The following TRAK1 variants were observed in gnomAD, a reference collection of about 807,000 sequenced individuals.
TRAK1 encodes the protein trafficking kinesin-binding protein 1.
In TRAK1, 33 loss-of-function variants were observed where a neutral mutation model predicts 92.1. The observed-to-expected ratio is 0.36, with a 90% CI of 0.27 to 0.48. TRAK1 has a LOEUF of 0.48. Ranked by LOEUF, TRAK1 falls within the 20% of genes least tolerant of loss-of-function variation. The probability of loss-of-function intolerance (pLI) is 0.99; values close to 1 mark genes in which losing one functional copy is unlikely to be tolerated. For synonymous variants in TRAK1, 521 were observed against 517.3 expected (o/e 1.01, Z -0.10); for missense variants, 1,123 against 1,257.9 (o/e 0.89, Z 1.62).
chr3:42,182,550 T>A (rs1704172506), intron 3 of TRAK1, among the ~76,000 whole-genome samples: 1 of 152,172 alleles, frequency 6.6e-6, no homozygotes, highest in Non-Finnish European at 1.5e-5. Flanking sequence ...GTGCCGGGAT[T>A]ACGGGTGAGA....
chr3:42,018,318 ATG>A (rs1701605911), intron 1 of TRAK1, among the ~76,000 whole-genome samples: 1 of 151,960 alleles, frequency 6.6e-6, no homozygotes, highest in Non-Finnish European at 1.5e-5. Context: ...CTTAAGGAAA[ATG>A]TACCTTGTTT....
In TRAK1 at chr3:42,217,466, T is replaced by G. The variant is rs151218071; in HGVS notation, c.1964-2028T>G. On this transcript the variant is annotated intron_variant, in intron 14 of 15. Coordinates refer to ENST00000327628, the MANE Select transcript of TRAK1 (RefSeq NM_001042646.3). ...ATCCCCAAAACCCATTTGTATAAGA[T>G]GGGTTTGCTTCTGCTGATGCAACTA... 161 of 985,412 alleles carry G rather than the reference T, an allele frequency of 1.6e-4. No homozygotes were observed. In the East Asian group the frequency reaches 0.016, roughly 98 times the overall value. The allele number at this position is 985,412 out of a possible 1,614,324, so 61.0% of individuals were successfully genotyped here.
upstream of TRAK1, among the ~76,000 whole-genome samples, chr3:42,086,874 A>T (rs893875756): frequency 6.6e-6 from 1 of 152,188 alleles, no homozygotes; most frequent in African/African-American, 2.4e-5. Flanking sequence ...CAGTAAGCAA[A>T]TGAAGCCATG....
At chr3:42,218,532 T>A (rs1709973936) in intron 14 of TRAK1, 5 of 982,770 alleles carry the variant, frequency 5.1e-6, no homozygotes, top group Non-Finnish European at 6.0e-6. Context: ...TTTATTATTA[T>A]TTTTTTTCCT....
chr3:42,105,073 T>A (rs1376586414), intron 1 of TRAK1, among the ~76,000 whole-genome samples: 2 of 151,172 alleles, frequency 1.3e-5, no homozygotes, highest in African/African-American at 4.9e-5. Context: ...TGCCTCAGCC[T>A]CCCAAGTAGC....
upstream of TRAK1, among the ~76,000 whole-genome samples, chr3:42,090,913 A>G (rs1435933090): frequency 6.6e-6 from 1 of 152,202 alleles, no homozygotes; most frequent in Non-Finnish European, 1.5e-5. Context: ...GATGGAGAAC[A>G]TGCTCGGATT....
chr3:42,044,982 C>T (rs1337529519), intron 1 of TRAK1, among the ~76,000 whole-genome samples: 6 of 151,594 alleles, frequency 4.0e-5, no homozygotes, highest in Admixed American at 3.9e-4. Flanking sequence ...TGTTTTTTTT[C>T]CTAATCAGGA....
chr3:42,118,758 G>A (rs973829943), intron 1 of TRAK1, among the ~76,000 whole-genome samples: 1 of 152,244 alleles, frequency 6.6e-6, no homozygotes, highest in Non-Finnish European at 1.5e-5. Context: ...CCTAGGAAGG[G>A]TTATACCTCT....
chr3:42,153,514 C>T (rs1700192029), intron 2 of TRAK1, among the ~76,000 whole-genome samples: 1 of 152,196 alleles, frequency 6.6e-6, no homozygotes, highest in Admixed American at 6.5e-5. Flanking sequence ...CTCACCTCCC[C>T]CTTTTATAAC....
At chr3:42,063,686 CAA>C (rs57831151) in intron 1 of TRAK1, among the ~76,000 whole-genome samples, 20 of 107,180 alleles carry the variant, frequency 1.9e-4, no homozygotes, top group Middle Eastern at 4.7e-3. Context: ...ACTCTGTCTC[CAA>C]AAAAAAAAAA....
chr3:42,017,103 A>G (rs911355469), intron 1 of TRAK1, among the ~76,000 whole-genome samples: 1 of 152,138 alleles, frequency 6.6e-6, no homozygotes, highest in Non-Finnish European at 1.5e-5. Flanking sequence ...CTACTAAAAC[A>G]CAAAAAAAGT....
Position 42,135,783 on chromosome 3 carries a change from G to A in TRAK1, c.286+10169G>A, listed in dbSNP as rs531240473. Among the ~76,000 whole-genome samples the A allele has an allele frequency of 2.0e-5, 3 of 152,292 alleles. No homozygotes were observed. The East Asian group carries it at 5.8e-4, about 29-fold the overall frequency. On this transcript the variant is annotated intron_variant, in intron 2 of 15. Coordinates refer to ENST00000327628, the MANE Select transcript of TRAK1 (RefSeq NM_001042646.3). ...TGGTTAGATGTGGTCATCTGTCAGT[G>A]CTCTGGCTTGGGGTCTTCTCTTGCC... is the stretch of plus-strand genomic sequence containing the variant.
chr3:42,097,691 A>G (rs1706139441), intron 1 of TRAK1, among the ~76,000 whole-genome samples: 1 of 152,228 alleles, frequency 6.6e-6, no homozygotes, highest in Admixed American at 6.5e-5. Flanking sequence ...CTCATGTAGC[A>G]CATCACTGCC....
intron 1 of TRAK1, among the ~76,000 whole-genome samples, chr3:42,054,096 C>A (rs1703095932): frequency 6.6e-6 from 1 of 152,126 alleles, no homozygotes. Context: ...AGCGACCTGT[C>A]CTTATAAAGC....
intron 1 of TRAK1, among the ~76,000 whole-genome samples, chr3:42,033,610 C>T (rs1702227323): frequency 7.4e-6 from 1 of 135,782 alleles, no homozygotes; most frequent in South Asian, 2.3e-4. Flanking sequence ...AATCAATAAT[C>T]TGTGATTTTG....
intron 1 of TRAK1, among the ~76,000 whole-genome samples, chr3:42,121,966 C>T (rs1300905793): frequency 2.6e-5 from 4 of 152,074 alleles, no homozygotes; most frequent in Middle Eastern, 3.4e-3. Flanking sequence ...TACCAGCGTG[C>T]GCCGCTATGC....
intron 14 of TRAK1, among the ~76,000 whole-genome samples, chr3:42,214,106 AC>A: frequency 6.6e-6 from 1 of 152,172 alleles, no homozygotes; most frequent in East Asian, 1.9e-4. Flanking sequence ...AACAAAGCCC[AC>A]TTGTTGAGCA....
At chr3:42,200,257 C>A (rs980588558) in intron 11 of TRAK1, among the ~76,000 whole-genome samples, 1 of 152,178 alleles carries the variant, frequency 6.6e-6, no homozygotes, top group African/African-American at 2.4e-5. Context: ...TAAAAGGGAA[C>A]AAATGAGCAT....
At chr3:42,172,874 G>A (rs573077444) in intron 2 of TRAK1, among the ~76,000 whole-genome samples, 3 of 152,302 alleles carry the variant, frequency 2.0e-5, no homozygotes, top group Admixed American at 1.3e-4. Context: ...GACTGAGCAC[G>A]GTGGGTCATG....
Sources: gnomAD v4.1 joint callset for allele counts (sites outside exome capture counted in the v4.1 genomes callset) on GRCh38, gnomAD v4.1.1 for gene constraint, MANE v1.5 for transcripts, NCBI Gene and HGNC (gene_info 2026-07-23, HGNC 2026-07-21) for gene names.